The following SP1 variants were observed in gnomAD, a reference collection of about 807,000 sequenced individuals.
The protein encoded by SP1 is Sp1 transcription factor.
A neutral mutation model predicts 66.3 loss-of-function variants in SP1; 6 were observed. That is an observed-to-expected ratio of 0.09 (90% CI 0.05 to 0.18). SP1 has a LOEUF of 0.18. Ranked by LOEUF, SP1 falls within the 10% of genes least tolerant of loss-of-function variation. SP1 has a pLI of 1.00. For synonymous variants in SP1, 417 were observed against 360.8 expected, an observed-to-expected ratio of 1.16 and a Z score of -1.77; for missense variants, 848 against 964.5, an observed-to-expected ratio of 0.88 and a Z score of 1.60.
rs890580265 is a variant in SP1, at chr12:53,411,990, C to T, written c.*750C>T. 1.3e-5 allele frequency: 2 copies of T among 152,192 alleles called. No individual in the cohort carries two copies. The highest frequency in any genetic ancestry group is 2.4e-5 in the African/African-American group (1 of 41,422). The allele number at this position is 152,192 out of a possible 1,614,324, so 9.4% of individuals were successfully genotyped here. Reference sequence around the variant, plus strand: ...CTCATCTTCTCTCATCTGATCACTTCATGTTTTGTTTTTGTTACTGCCTGG... The same window carrying T: ...CTCATCTTCTCTCATCTGATCACTTTATGTTTTGTTTTTGTTACTGCCTGG... On this transcript the variant is annotated 3_prime_UTR_variant, in exon 6 of 6. Coordinates refer to ENST00000327443, the MANE Select transcript of SP1 (RefSeq NM_138473.3).
intron 1 of SP1, chr12:53,380,509 G>C: frequency 2.0e-6 from 1 of 495,720 alleles, no homozygotes; most frequent in Non-Finnish European, 3.0e-6. Flanking sequence ...CGCCCCGGGG[G>C]AGGGGGCAGC....
intron 3 of SP1, among the ~76,000 whole-genome samples, chr12:53,402,439 G>T (rs889900023): frequency 2.0e-5 from 3 of 151,544 alleles, no homozygotes; most frequent in Non-Finnish European, 4.4e-5. Flanking sequence ...GGCCAGGCTG[G>T]TCTCGAACTC....
chr12:53,405,410 C>T (rs529518656), intron 3 of SP1, among the ~76,000 whole-genome samples: 10 of 152,196 alleles, frequency 6.6e-5, no homozygotes, highest in Non-Finnish European at 1.3e-4. Context: ...CATGCCCACC[C>T]GTAATCCCAG....
chr12:53,391,832 C>G (rs893096952), intron 3 of SP1, among the ~76,000 whole-genome samples: 33 of 151,502 alleles, frequency 2.2e-4, no homozygotes, highest in African/African-American at 7.8e-4. Context: ...CTCCCACTTA[C>G]AAGTGAGAAC....
Position 53,393,215 on chromosome 12 carries a change from G to C in SP1, c.1675+9593G>C, listed in dbSNP as rs186392822. Among the ~76,000 whole-genome samples the C allele has an allele frequency of 1.7e-4, 26 of 152,314 alleles. 1 individual carries two copies. The highest frequency in any genetic ancestry group is 6.3e-4 in the African/African-American group (26 of 41,582). ...TGTAATCCCAGCACTTTCGGAGGTCGAGGCGAGAGGACTGGTTTAGCCCAG... is the reference window on the plus strand; with the variant it reads ...TGTAATCCCAGCACTTTCGGAGGTCCAGGCGAGAGGACTGGTTTAGCCCAG... On this transcript the variant is annotated intron_variant, in intron 3 of 5. Transcript: ENST00000327443.
Position 53,414,557 on chromosome 12 carries a change from G to A in SP1, c.*3317G>A, listed in dbSNP as rs950603880. On this transcript the variant is annotated 3_prime_UTR_variant, in exon 6 of 6. Transcript: ENST00000327443. ...ACAAAAGCTGTAAATTACTATGGCTGATTTATTTCTACTATATACATATAT... is the reference window on the plus strand; with the variant it reads ...ACAAAAGCTGTAAATTACTATGGCTAATTTATTTCTACTATATACATATAT... 3.9e-5 allele frequency: 6 copies of A among 152,466 alleles called. No homozygotes were observed. Among genetic ancestry groups the A allele is most frequent in the African/African-American group, 1.5e-4 (6 of 41,368 alleles). 9.4% of individuals were successfully genotyped at this position (152,466 alleles called of 1,614,324 possible).
rs748818829 is a variant in SP1, at chr12:53,406,756, G to A, written c.1844+3G>A. 6.2e-7 allele frequency: 1 copy of A among 1,610,302 alleles called. No homozygotes were observed. The highest frequency in any genetic ancestry group is 8.5e-7 in the Non-Finnish European group (1 of 1,178,080). On this transcript the variant is annotated splice_donor_region_variant and intron_variant, in intron 4 of 5. Coordinates refer to ENST00000327443, the MANE Select transcript of SP1 (RefSeq NM_138473.3). ...TACTGTAAAGACAGTGAAGGAAGGTGAGTTGACCCAGCCAGTTTCTTACAA... is the reference window on the plus strand; with the variant it reads ...TACTGTAAAGACAGTGAAGGAAGGTAAGTTGACCCAGCCAGTTTCTTACAA...
At chr12:53,404,110 G>T (rs1257856680) in intron 3 of SP1, among the ~76,000 whole-genome samples, 1 of 151,876 alleles carries the variant, frequency 6.6e-6, no homozygotes, top group Non-Finnish European at 1.5e-5. Flanking sequence ...GGCGGAGCTT[G>T]CAGTGAGCCG....
intron 4 of SP1, 126 bp from the exon 5 acceptor site, chr12:53,409,236 A>C (rs1023571707): frequency 7.8e-6 from 6 of 771,482 alleles, no homozygotes; most frequent in African/African-American, 5.3e-5. Context: ...AAAACAAAAA[A>C]GAAGACTTTT....
At chr12:53,399,296 G>A (rs775082675) in intron 3 of SP1, among the ~76,000 whole-genome samples, 7 of 151,920 alleles carry the variant, frequency 4.6e-5, no homozygotes, top group Non-Finnish European at 8.8e-5. Context: ...CTACAGGTGT[G>A]CTCCACCATG....
At chr12:53,394,583 C>CT (rs68013460) in intron 3 of SP1, among the ~76,000 whole-genome samples, 9,020 of 57,956 alleles carry the variant, frequency 0.16, 780 homozygotes, top group African/African-American at 0.36. Flanking sequence ...TTCTTTTCTT[C>CT]TTTTTTTTTT....
Position 53,387,375 on chromosome 12 carries a change from C to T in SP1, c.1675+3753C>T, listed in dbSNP as rs559642767. Reference sequence around the variant, plus strand: ...AGCAAATAGGCAACCATATTTCCTGCCTCCTGCAGTTTTGGTAAATCTAGG... The same window carrying T: ...AGCAAATAGGCAACCATATTTCCTGTCTCCTGCAGTTTTGGTAAATCTAGG... On this transcript the variant is annotated intron_variant, in intron 3 of 5. Transcript: ENST00000327443. Among the ~76,000 whole-genome samples, 16 of 152,312 alleles carry T rather than the reference C, an allele frequency of 1.1e-4. No individual in the cohort carries two copies. In the South Asian group the frequency reaches 3.1e-3, roughly 30 times the overall value.
chr12:53,408,192 A>G (rs1592572708), intron 4 of SP1, among the ~76,000 whole-genome samples: 1 of 132,454 alleles, frequency 7.5e-6, no homozygotes. Flanking sequence ...GTTGCAGTGA[A>G]CCGAGATCGT....
At chr12:53,396,816 T>G (rs1311715705) in intron 3 of SP1, among the ~76,000 whole-genome samples, 1 of 152,084 alleles carries the variant, frequency 6.6e-6, no homozygotes, top group Non-Finnish European at 1.5e-5. Flanking sequence ...ATACAATTTT[T>G]TTTTTAGAGT....
At position 53,399,573 on chromosome 12, in the gene SP1, C is replaced by T. The variant is rs532861128; in HGVS notation, c.1676-7012C>T. Among the ~76,000 whole-genome samples the T allele has an allele frequency of 2.4e-3, 358 of 152,146 alleles. 1 individual carries two copies. The highest frequency in any genetic ancestry group is 8.2e-3 in the African/African-American group (341 of 41,510). The stretch of plus-strand genomic sequence containing the variant: ...GTCTCGATCTCCTGACCTTGTGATC[C>T]GCCCGCCTCGGCCTCCCAAAGTGCT... On this transcript the variant is annotated intron_variant, in intron 3 of 5. Transcript: ENST00000327443.
At chr12:53,389,689 C>A (rs755678418) in intron 3 of SP1, among the ~76,000 whole-genome samples, 1 of 151,820 alleles carries the variant, frequency 6.6e-6, no homozygotes, top group Admixed American at 6.6e-5. Context: ...TTTCCCAGAT[C>A]TTTATTTTAT....
intron 3 of SP1, among the ~76,000 whole-genome samples, chr12:53,386,054 G>A (rs1209759763): frequency 2.0e-5 from 3 of 152,246 alleles, no homozygotes; most frequent in Non-Finnish European, 4.4e-5. Context: ...AAGTTCCCTG[G>A]TTAGTATTAA....
intron 3 of SP1, among the ~76,000 whole-genome samples, chr12:53,394,585 T>TC (rs1938435813): frequency 6.8e-6 from 1 of 146,110 alleles, no homozygotes; most frequent in African/African-American, 2.5e-5. Flanking sequence ...CTTTTCTTCT[T>TC]TTTTTTTTTT....
intron 3 of SP1, among the ~76,000 whole-genome samples, chr12:53,386,512 G>A (rs554839205): frequency 8.7e-6 from 1 of 114,892 alleles, no homozygotes; most frequent in Non-Finnish European, 1.6e-5. Flanking sequence ...TTTTGAGACT[G>A]AGTCTTGCTC....
Sources: allele counts gnomAD v4.1 joint callset (sites outside exome capture counted in the v4.1 genomes callset), GRCh38; gene constraint gnomAD v4.1.1; transcripts MANE v1.5; gene names NCBI Gene and HGNC (gene_info 2026-07-23, HGNC 2026-07-21).